Variants in PARD3B observed in about 807,000 individuals in gnomAD.
PARD3B encodes par-3 family cell polarity regulator beta.
A neutral mutation model predicts 130.2 loss-of-function variants in PARD3B; 103 were observed. The ratio of observed to expected loss-of-function variants is 0.79; its 90% CI spans 0.67 to 0.93. PARD3B has a LOEUF of 0.93. Ranked by LOEUF, PARD3B falls within the 40% of genes least tolerant of loss-of-function variation. The pLI, the probability that PARD3B is intolerant of heterozygous loss-of-function variation, is 0.00. For missense variants in PARD3B, 1,609 were observed against 1,499.2 expected (o/e 1.07, Z -1.21); for synonymous variants, 583 against 553.2 (o/e 1.05, Z -0.76).
intron 22 of PARD3B, among the ~76,000 whole-genome samples, chr2:205,605,708 G>A (rs908494874): frequency 1.3e-5 from 2 of 152,184 alleles, no homozygotes; most frequent in African/African-American, 4.8e-5. Context: ...CTGTTGGAGG[G>A]TCTCACCCAG....
chr2:205,336,251 G>T (rs1307871496), intron 18 of PARD3B, among the ~76,000 whole-genome samples: 1 of 152,234 alleles, frequency 6.6e-6, no homozygotes, highest in Non-Finnish European at 1.5e-5. Flanking sequence ...TCAGGATTGT[G>T]ATTATCATAC....
intron 3 of PARD3B, among the ~76,000 whole-genome samples, chr2:204,983,470 T>C (rs953423977): frequency 1.3e-5 from 2 of 151,970 alleles, no homozygotes; most frequent in Non-Finnish European, 2.9e-5. Flanking sequence ...AAAGACAACA[T>C]TTGATATTAA....
intron 19 of PARD3B, among the ~76,000 whole-genome samples, chr2:205,420,340 T>G (rs1350917582): frequency 6.6e-6 from 1 of 152,206 alleles, no homozygotes; most frequent in Non-Finnish European, 1.5e-5. Flanking sequence ...TTTAGTAGTA[T>G]TAGGTCATTT....
intron 1 of PARD3B, among the ~76,000 whole-genome samples, chr2:204,676,084 T>C (rs761747075): frequency 5.9e-5 from 9 of 151,580 alleles, no homozygotes; most frequent in Non-Finnish European, 1.3e-4. Context: ...ATAAATTTAC[T>C]AGTCAAGGCT....
Position 205,125,651 on chromosome 2 carries a change from G to T in PARD3B, c.1348G>T (p.Val450Leu). 1 of 1,614,092 alleles carries T rather than the reference G, an allele frequency of 6.2e-7. No homozygotes were observed. Among genetic ancestry groups the T allele is most frequent in the Non-Finnish European group, 8.5e-7 (1 of 1,179,988 alleles). ...CACCGGACGAACCCAGGAAGAGCTT[G>T]TGGCCATGCTCAGGAGCACCAAGCA... ...DVTGRTQEEL[V>L]AMLRSTKQGE... is the part of the protein sequence containing the mutation. Residue 450 changes from valine (V) to leucine (L), a missense_variant, in exon 10 of 23, where the codon GTG (valine) becomes TTG (leucine). Physicochemically the swap from Val to Leu is conservative, Grantham distance 32. Coordinates refer to ENST00000406610, the MANE Select transcript of PARD3B (RefSeq NM_001302769.2). This position sits in a 1 kb window ranked among gnomAD's most constrained non-coding sequence, Gnocchi z 4.0.
chr2:204,929,319 T>A (rs1462621600), intron 2 of PARD3B, among the ~76,000 whole-genome samples: 1 of 152,150 alleles, frequency 6.6e-6, no homozygotes, highest in East Asian at 1.9e-4. Flanking sequence ...ACATTGAATG[T>A]TAAGGATTCT....
chr2:205,335,262 A>C (rs1392804348), intron 18 of PARD3B, among the ~76,000 whole-genome samples: 1 of 152,244 alleles, frequency 6.6e-6, no homozygotes, highest in Admixed American at 6.5e-5. Context: ...CATCTTTGGA[A>C]CATGGTGGGA....
chr2:205,502,309 G>T (rs2050186907), intron 21 of PARD3B, among the ~76,000 whole-genome samples: 1 of 152,082 alleles, frequency 6.6e-6, no homozygotes, highest in Non-Finnish European at 1.5e-5. Flanking sequence ...TGAGACTGTG[G>T]TTCCTAGAAA....
chr2:204,739,147 G>C (rs2125358441), intron 2 of PARD3B, among the ~76,000 whole-genome samples: 1 of 152,208 alleles, frequency 6.6e-6, no homozygotes, highest in South Asian at 2.1e-4. Flanking sequence ...TTATTGAATT[G>C]TATGTGTTAC....
chr2:205,519,831 A>G (rs567948912), intron 21 of PARD3B, among the ~76,000 whole-genome samples: 4 of 152,272 alleles, frequency 2.6e-5, no homozygotes, highest in Non-Finnish European at 5.9e-5. Context: ...CTCTGGTTTC[A>G]GAGGTGGGTA....
chr2:205,421,878 G>T lies in PARD3B; in HGVS notation c.2742-18492G>T, dbSNP rs1195711961. 6.6e-6 allele frequency among the ~76,000 whole-genome samples: 1 copy of T among 152,062 alleles called. No individual in the cohort carries two copies. Among genetic ancestry groups the T allele is most frequent in the South Asian group, 2.1e-4 (1 of 4,822 alleles). On this transcript the variant is annotated intron_variant, in intron 19 of 22. Transcript: ENST00000406610. This position sits in a 1 kb window ranked among gnomAD's most constrained non-coding sequence, Gnocchi z 5.1. ...TTTAAAGTGCATCTCTCCAATCTCT[G>T]CTTCCGTTGTCACTTGGCCTTCTCT...
chr2:205,174,948 G>T (rs1048270748), intron 12 of PARD3B, among the ~76,000 whole-genome samples: 1 of 152,168 alleles, frequency 6.6e-6, no homozygotes, highest in African/African-American at 2.4e-5. Context: ...TGAGCCTAGA[G>T]ACTTGGTATT....
At position 205,366,334 on chromosome 2, in the gene PARD3B, G is replaced by A. The variant is rs2668146; in HGVS notation, c.2631-34679G>A. Among the ~76,000 whole-genome samples, 122,206 of 152,104 alleles carry A rather than the reference G, an allele frequency of 0.8. 49,817 individuals are homozygous for A. The highest frequency in any genetic ancestry group is 0.89 in the Admixed American group (13,659 of 15,294). On this transcript the variant is annotated intron_variant, in intron 18 of 22. Transcript: ENST00000406610. This position sits in a 1 kb window ranked among gnomAD's most constrained non-coding sequence, Gnocchi z 5.0. ...AGACTAATAATCAAGTGTTGACTCA[G>A]CTCTCAAATTTGCTGTGCAGTGCTT...
chr2:205,537,626 C>T (rs2051921802), intron 21 of PARD3B, among the ~76,000 whole-genome samples: 1 of 152,114 alleles, frequency 6.6e-6, no homozygotes, highest in Non-Finnish European at 1.5e-5. Context: ...GGACCGATAG[C>T]AAAATGGCTG....
chr2:205,546,385 A>T (rs12623894), intron 21 of PARD3B, among the ~76,000 whole-genome samples: 52,462 of 151,968 alleles, frequency 0.35, 10,190 homozygotes, highest in Admixed American at 0.48. Flanking sequence ...TCTGTCAGAC[A>T]TATATTTAGG....
intron 13 of PARD3B, among the ~76,000 whole-genome samples, chr2:205,178,374 A>T (rs1559513607): frequency 6.6e-6 from 1 of 151,892 alleles, no homozygotes; most frequent in Non-Finnish European, 1.5e-5. Context: ...AATGGTGTAA[A>T]CCCAGGAGGC....
At chr2:204,953,567 G>C (rs1239829752) in intron 2 of PARD3B, among the ~76,000 whole-genome samples, 3 of 151,938 alleles carry the variant, frequency 2.0e-5, no homozygotes, top group Non-Finnish European at 4.4e-5. Context: ...TTTGCTGGAG[G>C]GATCTGGGGG....
At chr2:204,986,342 A>G (rs1332888841) in intron 3 of PARD3B, among the ~76,000 whole-genome samples, 1 of 152,116 alleles carries the variant, frequency 6.6e-6, no homozygotes, top group Non-Finnish European at 1.5e-5. Context: ...CTTCTTCAAA[A>G]CATGTCTATA....
Position 205,458,537 on chromosome 2 carries a change from C to A in PARD3B, c.3044+17865C>A, listed in dbSNP as rs554310395. 3.4e-4 allele frequency among the ~76,000 whole-genome samples: 51 copies of A among 152,174 alleles called. No homozygotes were observed. Among genetic ancestry groups the A allele is most frequent in the African/African-American group, 1.1e-3 (47 of 41,530 alleles). On this transcript the variant is annotated intron_variant, in intron 20 of 22. Coordinates refer to ENST00000406610, the MANE Select transcript of PARD3B (RefSeq NM_001302769.2). This position sits in a 1 kb window ranked among gnomAD's most constrained non-coding sequence, Gnocchi z 4.8. ...ACTTAATTTTAGTTATTGTAATTTT[C>A]AGTTTTAGGTGTCTATTTGTTTGTT...
Sources: gnomAD v4.1 joint callset for allele counts (sites outside exome capture counted in the v4.1 genomes callset) on GRCh38, gnomAD v4.1.1 for gene constraint, Gnocchi (gnomAD v3.1) non-coding constraint, MANE v1.5 for transcripts, NCBI Gene and HGNC (gene_info 2026-07-23, HGNC 2026-07-21) for gene names.